OR10H5: variants seen among roughly 807,000 people sequenced by gnomAD.
OR10H5 encodes the protein olfactory receptor 10H5.
Under a neutral mutation model 12.2 loss-of-function variants are expected in OR10H5, and 7 were observed. The ratio of observed to expected loss-of-function variants is 0.57; its 90% CI spans 0.33 to 1.07. The LOEUF is 1.07. OR10H5 is among the 50% of genes least tolerant of loss of function. The probability of loss-of-function intolerance (pLI) is 0.04; values close to 1 mark genes in which losing one functional copy is unlikely to be tolerated. For missense variants in OR10H5, 346 were observed against 411.6 expected (o/e 0.84, Z 1.38); for synonymous variants, 159 against 175.1 (o/e 0.91, Z 0.73).
intron 1 of OR10H5, among the ~76,000 whole-genome samples, chr19:15,793,669 T>C (rs1322055634): frequency 6.6e-6 from 1 of 151,924 alleles, no homozygotes; most frequent in Non-Finnish European, 1.5e-5. Context: ...TCACCTGAGG[T>C]CAGGAGTTCG....
chr19:15,791,282 G>A (rs973061003), intron 1 of OR10H5, among the ~76,000 whole-genome samples: 1 of 152,234 alleles, frequency 6.6e-6, no homozygotes, highest in East Asian at 1.9e-4. Flanking sequence ...GGAGGCAGAG[G>A]TTGCAGTGAG....
chr19:15,799,053 A>G lies in OR10H5; in HGVS notation c.*4057A>G, dbSNP rs58011464. 0.095 allele frequency: 14,492 copies of G among 152,208 alleles called. 733 individuals carry two copies. Among genetic ancestry groups the G allele is most frequent in the Middle Eastern group, 0.13 (39 of 294 alleles). 9.4% of individuals were successfully genotyped at this position (152,208 alleles called of 1,614,324 possible). On this transcript the variant is annotated 3_prime_UTR_variant, in exon 2 of 2. Transcript: ENST00000642092. Reference sequence around the variant, plus strand: ...ATTACAGGTGTGAGCCACCACATCCAGCCAGAAGGATCTTTCTAAAGGGAA... The same window carrying G: ...ATTACAGGTGTGAGCCACCACATCCGGCCAGAAGGATCTTTCTAAAGGGAA...
rs1329061277 is a variant in OR10H5 at position 15,795,743 on chromosome 19, G to A, written c.*747G>A. On this transcript the variant is annotated 3_prime_UTR_variant, in exon 2 of 2. Coordinates refer to ENST00000642092, the MANE Select transcript of OR10H5 (RefSeq NM_001004466.2). The stretch of plus-strand genomic sequence containing the variant: ...CACATGTGAGTTATTTTACTTCACA[G>A]GGAAGATAGGATTACTAACTCCATT... The A allele has an allele frequency of 1.3e-5, 2 of 152,214 alleles. No homozygotes were observed. The highest frequency in any genetic ancestry group is 2.9e-5 in the Non-Finnish European group (2 of 68,084). The allele number at this position is 152,214 out of a possible 1,614,324, so 9.4% of individuals were successfully genotyped here.
Position 15,793,851 on chromosome 19 carries a change from C to G in OR10H5, c.-11-187C>G, listed in dbSNP as rs534296950. On this transcript the variant is annotated intron_variant, in intron 1 of 1. Transcript: ENST00000642092. ...CTGAGATCACACCACTGCACTCCAG[C>G]CTGGGTGACAGAGCGAGACCCCATC... 24 of 595,518 alleles carry G rather than the reference C, an allele frequency of 4.0e-5. No individual in the cohort carries two copies. The African/African-American group carries it at 4.5e-4, about 11-fold the overall frequency. 36.9% of individuals were successfully genotyped at this position (595,518 alleles called of 1,614,324 possible). A position where few individuals can be genotyped will look rare whatever the true frequency, so the allele number is the denominator to read the frequency against.
intron 1 of OR10H5, among the ~76,000 whole-genome samples, chr19:15,788,618 C>T (rs2088795245): frequency 6.6e-6 from 1 of 152,158 alleles, no homozygotes; most frequent in African/African-American, 2.4e-5. Context: ...CCCACTTGGC[C>T]TCCTAAGCAG....
At chr19:15,788,116 A>G (rs969206622) in intron 1 of OR10H5, among the ~76,000 whole-genome samples, 2 of 152,122 alleles carry the variant, frequency 1.3e-5, no homozygotes, top group Non-Finnish European at 2.9e-5. Flanking sequence ...GGCATCACCC[A>G]TGTGTACTCC....
intron 1 of OR10H5, among the ~76,000 whole-genome samples, chr19:15,792,041 CCT>C (rs1242415516): frequency 2.6e-5 from 4 of 151,576 alleles, no homozygotes; most frequent in African/African-American, 9.7e-5. Context: ...AAAAAAAAAT[CCT>C]CTCTTTTAGC....
At chr19:15,793,853 T>A (rs756769301) in intron 1 of OR10H5, 185 bp from the exon 2 acceptor site, 7 of 598,758 alleles carry the variant, frequency 1.2e-5, no homozygotes, top group Admixed American at 3.0e-5. Flanking sequence ...CACTCCAGCC[T>A]GGGTGACAGA....
chr19:15,789,746 C>T (rs1040744006), intron 1 of OR10H5, among the ~76,000 whole-genome samples: 2 of 151,568 alleles, frequency 1.3e-5, no homozygotes, highest in Non-Finnish European at 2.9e-5. Context: ...GCTGAGAGAG[C>T]CCTTTCTGTA....
chr19:15,794,728 T>C lies in OR10H5; in HGVS notation c.680T>C (p.Leu227Ser), dbSNP rs1264206990. The change falls in exon 2 of 2, where the codon TTG becomes TCG. Residue 227 changes from leucine to serine, a missense_variant. By Grantham distance (145) the Leu-to-Ser change is moderately radical. Transcript: ENST00000642092. ...TATGCCTTCATCGTGGCCGCCATCT[T>C]GAAGATCCCTTCTGCTGAAGGTCGG... ...LSYAFIVAAI[L>S]KIPSAEGRNK... 3 of 1,613,814 alleles carry C rather than the reference T, an allele frequency of 1.9e-6. No homozygotes were observed. The highest frequency in any genetic ancestry group is 1.7e-5 in the Admixed American group (1 of 60,006).
In OR10H5 at chr19:15,795,169, TC is replaced by T. The variant is rs1343809543; in HGVS notation, c.*179del. ...TCTCTGACCTACAGTCCACCCTCCC[TC>T]CCCCCTCCTCCTTGCCTTCCTTCCA... On this transcript the variant is annotated 3_prime_UTR_variant, in exon 2 of 2. Transcript: ENST00000642092. The T allele has an allele frequency of 1.3e-4, 55 of 437,982 alleles. No individual in the cohort carries two copies. The East Asian group carries it at 1.9e-3, about 15-fold the overall frequency. The allele number at this position is 437,982 out of a possible 1,614,324, so 27.1% of individuals were successfully genotyped here. A position where few individuals can be genotyped will look rare whatever the true frequency, so the allele number is the denominator to read the frequency against.
chr19:15,790,661 G>C (rs2088805815), intron 1 of OR10H5, among the ~76,000 whole-genome samples: 1 of 152,124 alleles, frequency 6.6e-6, no homozygotes, highest in Non-Finnish European at 1.5e-5. Flanking sequence ...TGACAGATGA[G>C]GGAGAGGAGG....
At position 15,797,507 on chromosome 19, in the gene OR10H5, C is replaced by T. The variant is rs1397407910; in HGVS notation, c.*2511C>T. The T allele has an allele frequency of 1.3e-5, 2 of 152,160 alleles. No individual in the cohort carries two copies. Among genetic ancestry groups the T allele is most frequent in the Admixed American group, 1.3e-4 (2 of 15,266 alleles). 9.4% of individuals were successfully genotyped at this position (152,160 alleles called of 1,614,324 possible). ...TTGCTGTAGTTTGGTTGACCAATGT[C>T]CATGCATTCTGAAATTAAAATAAGC... On this transcript the variant is annotated 3_prime_UTR_variant, in exon 2 of 2. Transcript: ENST00000642092.
In OR10H5 at chr19:15,799,322, T is replaced by A. The variant is rs955397366; in HGVS notation, c.*4326T>A. ...ATTGGGGCATGAAATCTTCCATTCC[T>A]CTTTGCATTGCTGGTTTGCATTATT... is the stretch of plus-strand genomic sequence containing the variant. On this transcript the variant is annotated 3_prime_UTR_variant, in exon 2 of 2. Transcript: ENST00000642092. The A allele has an allele frequency of 6.6e-6, 1 of 152,094 alleles. No homozygotes were observed. The highest frequency in any genetic ancestry group is 6.5e-5 in the Admixed American group (1 of 15,272). 9.4% of individuals were successfully genotyped at this position (152,094 alleles called of 1,614,324 possible). A position where few individuals can be genotyped will look rare whatever the true frequency, so the allele number is the denominator to read the frequency against.
chr19:15,790,967 A>G (rs757298059), intron 1 of OR10H5, among the ~76,000 whole-genome samples: 23 of 152,176 alleles, frequency 1.5e-4, no homozygotes, highest in Non-Finnish European at 3.1e-4. Context: ...TTCTCATAGA[A>G]GTAAAAAGTA....
chr19:15,791,084 G>T (rs565769190), intron 1 of OR10H5, among the ~76,000 whole-genome samples: 2 of 152,092 alleles, frequency 1.3e-5, no homozygotes, highest in Admixed American at 1.3e-4. Context: ...GGTGACTCAC[G>T]CCTGTAATCC....
rs2088851607 is a variant in OR10H5, at chr19:15,798,407, T to C, written c.*3411T>C. On this transcript the variant is annotated 3_prime_UTR_variant, in exon 2 of 2. Coordinates refer to ENST00000642092, the MANE Select transcript of OR10H5 (RefSeq NM_001004466.2). ...TTTCTGAAGTCTCACACCTCCTGCATTCCTCACTGTTTGCCAAGCCTTGAT... is the reference window on the plus strand; with the variant it reads ...TTTCTGAAGTCTCACACCTCCTGCACTCCTCACTGTTTGCCAAGCCTTGAT... 1 of 151,956 alleles carries C rather than the reference T, an allele frequency of 6.6e-6. No individual in the cohort carries two copies. The highest frequency in any genetic ancestry group is 1.5e-5 in the Non-Finnish European group (1 of 68,044). 9.4% of individuals were successfully genotyped at this position (151,956 alleles called of 1,614,324 possible). A position where few individuals can be genotyped will look rare whatever the true frequency, so the allele number is the denominator to read the frequency against.
At chr19:15,790,208 A>C (rs1399265635) in intron 1 of OR10H5, among the ~76,000 whole-genome samples, 1 of 152,046 alleles carries the variant, frequency 6.6e-6, no homozygotes, top group Non-Finnish European at 1.5e-5. Flanking sequence ...GGTAGGAGGC[A>C]TTTACAGTGA....
intron 1 of OR10H5, among the ~76,000 whole-genome samples, chr19:15,792,550 C>G (rs57146467): frequency 0.11 from 16,242 of 152,174 alleles, 1,865 homozygotes; most frequent in East Asian, 0.57. Flanking sequence ...ACTGCAACCT[C>G]TCTCTCCTTG....
Sources: gnomAD v4.1 joint callset for allele counts (sites outside exome capture counted in the v4.1 genomes callset) on GRCh38, gnomAD v4.1.1 for gene constraint, MANE v1.5 for transcripts, NCBI Gene and HGNC (gene_info 2026-07-23, HGNC 2026-07-21) for gene names.